The following SGPL1 variants were observed in gnomAD, a reference collection of about 807,000 sequenced individuals.
The protein encoded by SGPL1 is SP-lyase 1.
Under a neutral mutation model 68.9 loss-of-function variants are expected in SGPL1, and 37 were observed. That is an observed-to-expected ratio of 0.54 (90% CI 0.41 to 0.71). SGPL1 has a LOEUF of 0.71. Ranked by LOEUF, SGPL1 falls within the 30% of genes least tolerant of loss-of-function variation. The pLI is 0.00. For missense variants in SGPL1, 551 were observed against 704.6 expected (o/e 0.78, Z 2.47); for synonymous variants, 236 against 248.5 (o/e 0.95, Z 0.47).
intron 2 of SGPL1, among the ~76,000 whole-genome samples, chr10:70,843,283 A>T (rs1845745219): frequency 6.6e-6 from 1 of 152,172 alleles, no homozygotes; most frequent in Non-Finnish European, 1.5e-5. Context: ...GTGTGGACAC[A>T]CATCTACATC....
At chr10:70,855,192 A>G (rs76475442) in intron 5 of SGPL1, among the ~76,000 whole-genome samples, 3,710 of 152,354 alleles carry the variant, frequency 0.024, 66 homozygotes, top group Non-Finnish European at 0.034. Flanking sequence ...AAATCTGCAT[A>G]AAGGCACAAA....
rs1446015195 is a variant in SGPL1 at position 70,871,919 on chromosome 10, AC to A, written c.995del (p.Pro332HisfsTer10). On this transcript the variant is annotated frameshift_variant, in exon 11 of 15. Coordinates refer to ENST00000373202, the MANE Select transcript of SGPL1 (RefSeq NM_003901.4). LOFTEE classifies it high-confidence loss of function. ...ATCGTCTTTATGGAGAAAGCAGGAT[AC>A]CCACTGGAGCACCCATTTGATTTCC... is the stretch of plus-strand genomic sequence containing the variant. ...FLIVFMEKAG[Y>X]PLEHPFDFRV... The A allele has an allele frequency of 6.2e-7, 1 of 1,614,044 alleles. No individual in the cohort carries two copies. The highest frequency in any genetic ancestry group is 2.2e-5 in the East Asian group (1 of 44,892).
chr10:70,850,708 TA>T (rs1845864895), intron 3 of SGPL1, among the ~76,000 whole-genome samples: 1 of 152,160 alleles, frequency 6.6e-6, no homozygotes, highest in African/African-American at 2.4e-5. Context: ...TCTGCAGCTA[TA>T]AAAATGAATG....
At chr10:70,855,306 A>G (rs1845946746) in intron 5 of SGPL1, among the ~76,000 whole-genome samples, 2 of 152,218 alleles carry the variant, frequency 1.3e-5, no homozygotes, top group African/African-American at 2.4e-5. Flanking sequence ...ACATCTATCT[A>G]TATATGTATA....
intron 9 of SGPL1, 41 bp downstream of exon 9, chr10:70,869,938 G>A (rs1193670007): frequency 6.7e-7 from 1 of 1,498,230 alleles, no homozygotes; most frequent in Admixed American, 1.7e-5. Context: ...GCTGGGCCCT[G>A]ACAGCAGAAG....
At chr10:70,834,240 G>A (rs1845589827) in intron 2 of SGPL1, among the ~76,000 whole-genome samples, 2 of 152,290 alleles carry the variant, frequency 1.3e-5, no homozygotes, top group South Asian at 4.1e-4. Flanking sequence ...GACCCTGTGG[G>A]TGGGGTATTC....
chr10:70,848,800 A>G (rs1845832656), intron 3 of SGPL1, among the ~76,000 whole-genome samples: 1 of 152,076 alleles, frequency 6.6e-6, no homozygotes, highest in Non-Finnish European at 1.5e-5. Context: ...CTTAAAATCT[A>G]CTTTCTTAGC....
rs947583239 is a variant in SGPL1, at chr10:70,880,135, T to A, written c.*2800T>A. 1 of 152,654 alleles carries A rather than the reference T, an allele frequency of 6.6e-6. No individual in the cohort carries two copies. The highest frequency in any genetic ancestry group is 2.4e-5 in the African/African-American group (1 of 41,456). 9.5% of individuals were successfully genotyped at this position (152,654 alleles called of 1,614,324 possible). A position where few individuals can be genotyped will look rare whatever the true frequency, so the allele number is the denominator to read the frequency against. The stretch of plus-strand genomic sequence containing the variant: ...ATTACTGTGGATGGTTGCATTCATT[T>A]GATTACTTGGGCACACACGAGATGA... On this transcript the variant is annotated 3_prime_UTR_variant, in exon 15 of 15. Coordinates refer to ENST00000373202, the MANE Select transcript of SGPL1 (RefSeq NM_003901.4).
At chr10:70,861,985 C>G (rs183312142) in intron 7 of SGPL1, among the ~76,000 whole-genome samples, 13 of 152,234 alleles carry the variant, frequency 8.5e-5, no homozygotes, top group African/African-American at 3.1e-4. Context: ...CCCTGCTCCA[C>G]GGCGCCCAGT....
intron 7 of SGPL1, among the ~76,000 whole-genome samples, chr10:70,861,753 G>T (rs544203360): frequency 6.6e-6 from 1 of 152,346 alleles, no homozygotes; most frequent in South Asian, 2.1e-4. Context: ...GGCCGGCCCT[G>T]CCGGCCCCGG....
intron 7 of SGPL1, 76 bp from the exon 8 acceptor site, chr10:70,868,269 C>G (rs986943982): frequency 1.0e-6 from 1 of 997,216 alleles, no homozygotes; most frequent in African/African-American, 1.6e-5. Context: ...CTGTATCAAA[C>G]ATTGTCAAGA....
intron 2 of SGPL1, among the ~76,000 whole-genome samples, chr10:70,834,883 G>A (rs993638309): frequency 6.6e-6 from 1 of 152,300 alleles, no homozygotes; most frequent in East Asian, 1.9e-4. Flanking sequence ...CGCTATTTCC[G>A]AGCTTTGTGA....
intron 2 of SGPL1, chr10:70,820,095 C>T (rs1257658639): frequency 6.6e-6 from 1 of 152,180 alleles, no homozygotes; most frequent in Non-Finnish European, 1.5e-5. Context: ...TGATAGCTAA[C>T]ATTTATTGAG....
At chr10:70,828,183 G>A (rs1028072274) in intron 2 of SGPL1, among the ~76,000 whole-genome samples, 2 of 151,748 alleles carry the variant, frequency 1.3e-5, no homozygotes, top group Non-Finnish European at 3.0e-5. Flanking sequence ...ACTAATTTAC[G>A]CTACCAGAGT....
intron 7 of SGPL1, among the ~76,000 whole-genome samples, chr10:70,861,599 CCA>C (rs1462692022): frequency 6.6e-6 from 1 of 152,232 alleles, no homozygotes; most frequent in Non-Finnish European, 1.5e-5. Context: ...TCTGGGCTGG[CCA>C]AGGTCGGAGC....
At chr10:70,833,466 TCTTA>T (rs1845576966) in intron 2 of SGPL1, among the ~76,000 whole-genome samples, 1 of 152,224 alleles carries the variant, frequency 6.6e-6, no homozygotes, top group Non-Finnish European at 1.5e-5. Flanking sequence ...GTTGCTCAGT[TCTTA>T]CTTCTTTAAT....
intron 2 of SGPL1, among the ~76,000 whole-genome samples, chr10:70,835,351 A>T (rs930432116): frequency 6.9e-6 from 1 of 144,538 alleles, no homozygotes; most frequent in Non-Finnish European, 1.6e-5. Flanking sequence ...GGACAAATTA[A>T]CTCATAATGC....
In SGPL1 at chr10:70,876,710, G is replaced by T. The variant is rs200007066; in HGVS notation, c.1566+49G>T. 6.0e-5 allele frequency: 93 copies of T among 1,558,112 alleles called. No individual in the cohort carries two copies. The South Asian group carries it at 9.8e-4, about 16-fold the overall frequency. On this transcript the variant is annotated intron_variant, in intron 14 of 14. Coordinates refer to ENST00000373202, the MANE Select transcript of SGPL1 (RefSeq NM_003901.4). ...TCTTCTCTTGGAAATTTAGGTGTTG[G>T]TGGAGAGTTTGAAGGAATCATATGA...
rs776812066 is a variant in SGPL1, at chr10:70,854,752, C to T, written c.306C>T (p.Asn102=). The change falls in exon 5 of 15, where the codon AAC becomes AAT. Residue 102 remains asparagine (N), a synonymous_variant. Transcript: ENST00000373202. ...AGACCAAGGATGATATTAGCAAGAA[C>T]ATGTCATTCCTGAAAGTGGACAAAG... ...LNKTKDDISK[N]MSFLKVDKEY... is the part of the protein sequence containing the mutation. The T allele has an allele frequency of 1.9e-5, 30 of 1,613,722 alleles. No homozygotes were observed. The Middle Eastern group carries it at 6.6e-4, about 35-fold the overall frequency.
Sources: gnomAD v4.1 joint callset for allele counts (sites outside exome capture counted in the v4.1 genomes callset) on GRCh38, gnomAD v4.1.1 for gene constraint, MANE v1.5 for transcripts, NCBI Gene and HGNC (gene_info 2026-07-23, HGNC 2026-07-21) for gene names.